The following OSBPL11 variants were observed in gnomAD, a reference collection of about 807,000 sequenced individuals.
The protein encoded by OSBPL11 is oxysterol-binding protein-related protein 11.
In OSBPL11, 33 loss-of-function variants were observed where a neutral mutation model predicts 84.4. The ratio of observed to expected loss-of-function variants is 0.39; its 90% confidence interval spans 0.30 to 0.52. The LOEUF is 0.52. OSBPL11 is among the 20% of genes least tolerant of loss of function. OSBPL11 has a pLI of 0.72. For synonymous variants in OSBPL11, 276 were observed against 310.2 expected, an observed-to-expected ratio of 0.89 and a Z score of 1.16; for missense variants, 736 against 901.1, an observed-to-expected ratio of 0.82 and a Z score of 2.35.
chr3:125,543,367 G>A (rs546359230), intron 10 of OSBPL11, among the ~76,000 whole-genome samples: 32 of 151,246 alleles, frequency 2.1e-4, no homozygotes, highest in African/African-American at 7.0e-4. Context: ...CCTGACCTCA[G>A]TTGATCCACT....
intron 2 of OSBPL11, among the ~76,000 whole-genome samples, chr3:125,582,119 G>A (rs1460293807): frequency 2.6e-5 from 4 of 152,130 alleles, no homozygotes; most frequent in Admixed American, 2.6e-4. Flanking sequence ...TAGATCACCT[G>A]AAGTCAGGAA....
chr3:125,530,860 T>G (rs1935545231), intron 12 of OSBPL11, among the ~76,000 whole-genome samples: 1 of 152,218 alleles, frequency 6.6e-6, no homozygotes, highest in African/African-American at 2.4e-5. Context: ...TTCGCCAAGA[T>G]GCTACAGATT....
chr3:125,538,670 A>G (rs1935678820), intron 10 of OSBPL11, 37 bp from the exon 11 acceptor site: 3 of 1,538,956 alleles, frequency 1.9e-6, no homozygotes, highest in Admixed American at 4.0e-5. Flanking sequence ...TGCTCTAATA[A>G]GTGATATCAT....
chr3:125,591,564 G>A (rs910071532), intron 1 of OSBPL11, among the ~76,000 whole-genome samples: 1 of 152,134 alleles, frequency 6.6e-6, no homozygotes, highest in African/African-American at 2.4e-5. Flanking sequence ...AAAAGGAACT[G>A]AATTGCACCA....
intron 9 of OSBPL11, 36 bp downstream of exon 9, chr3:125,552,145 A>G (rs199706756): frequency 5.3e-5 from 16 of 301,612 alleles, no homozygotes; most frequent in Middle Eastern, 9.8e-4. Flanking sequence ...GTGTGTGTAT[A>G]TATATATATA....
chr3:125,589,702 T>G (rs543691275), intron 1 of OSBPL11, among the ~76,000 whole-genome samples: 1 of 152,220 alleles, frequency 6.6e-6, no homozygotes, highest in East Asian at 1.9e-4. Flanking sequence ...CCATGAACAT[T>G]CATTTATATT....
At chr3:125,581,709 A>AT (rs1440612038) in intron 2 of OSBPL11, among the ~76,000 whole-genome samples, 8 of 151,190 alleles carry the variant, frequency 5.3e-5, no homozygotes. Context: ...AAAAAAAAAA[A>AT]AAAAAAAAAA....
At chr3:125,556,316 T>A (rs1253494199) in intron 8 of OSBPL11, among the ~76,000 whole-genome samples, 1 of 152,158 alleles carries the variant, frequency 6.6e-6, no homozygotes, top group African/African-American at 2.4e-5. Context: ...CCCAAGTGTA[T>A]CTGTATTTGG....
rs540772671 is a variant in OSBPL11 at position 125,543,221 on chromosome 3, T to C, written c.1841+4185A>G. 5.0e-5 allele frequency among the ~76,000 whole-genome samples: 7 copies of C among 138,796 alleles called. No homozygotes were observed. In the South Asian group the frequency reaches 1.5e-3, roughly 29 times the overall value. The allele number at this position is 138,796 out of a possible 152,430, so 91.1% of individuals were successfully genotyped here. On this transcript the variant is annotated intron_variant, in intron 10 of 12. Coordinates refer to ENST00000296220, the MANE Select transcript of OSBPL11 (RefSeq NM_022776.5). Reference sequence around the variant, plus strand: ...ATATCGGCTCACTGCAACCTCCTCCTCCCAGGTTCAAGCAATTCTCGTGTC... The same window carrying C: ...ATATCGGCTCACTGCAACCTCCTCCCCCCAGGTTCAAGCAATTCTCGTGTC...
chr3:125,587,443 A>T (rs1464622055), intron 1 of OSBPL11, among the ~76,000 whole-genome samples: 1 of 152,242 alleles, frequency 6.6e-6, no homozygotes, highest in East Asian at 1.9e-4. Context: ...TAAGCATATA[A>T]CTGGTATTTG....
At chr3:125,533,250 CTCTTT>C (rs1475865466) in intron 11 of OSBPL11, among the ~76,000 whole-genome samples, 3 of 139,042 alleles carry the variant, frequency 2.2e-5, no homozygotes, top group South Asian at 2.6e-4. Context: ...CTCGTCTCTT[CTCTTT>C]TTTCTTTTTT....
At chr3:125,535,097 T>G (rs1207275424) in intron 11 of OSBPL11, among the ~76,000 whole-genome samples, 1 of 151,380 alleles carries the variant, frequency 6.6e-6, no homozygotes, top group East Asian at 1.9e-4. Context: ...TTGTGTAAAA[T>G]TAATAAACTT....
intron 7 of OSBPL11, among the ~76,000 whole-genome samples, chr3:125,562,862 G>T (rs1250328690): frequency 1.3e-5 from 2 of 152,130 alleles, no homozygotes; most frequent in East Asian, 3.8e-4. Flanking sequence ...GGAGGCGGAG[G>T]TTGCGGTGAG....
At chr3:125,593,517 G>C (rs1194571440) in intron 1 of OSBPL11, among the ~76,000 whole-genome samples, 1 of 151,930 alleles carries the variant, frequency 6.6e-6, no homozygotes, top group African/African-American at 2.4e-5. Flanking sequence ...CTACTCGGGA[G>C]GCTGAGACAC....
chr3:125,593,572 A>G (rs1279605989), intron 1 of OSBPL11, among the ~76,000 whole-genome samples: 1 of 151,686 alleles, frequency 6.6e-6, no homozygotes, highest in Admixed American at 6.6e-5. Context: ...GTGAGCCGAG[A>G]TCGCGCCACC....
At chr3:125,553,882 A>C (rs1935952808) in intron 8 of OSBPL11, among the ~76,000 whole-genome samples, 1 of 152,226 alleles carries the variant, frequency 6.6e-6, no homozygotes, top group Non-Finnish European at 1.5e-5. Flanking sequence ...AATTAAATTA[A>C]CTTCATATAA....
At chr3:125,566,003 AC>A (rs1243684670) in intron 6 of OSBPL11, among the ~76,000 whole-genome samples, 1 of 151,980 alleles carries the variant, frequency 6.6e-6, no homozygotes, top group African/African-American at 2.4e-5. Context: ...AGCACCCTAC[AC>A]GTTATTATTA....
rs1936391124 is a variant in OSBPL11 at position 125,579,703 on chromosome 3, G to C, written c.409+162C>G. On this transcript the variant is annotated intron_variant, in intron 3 of 12. Transcript: ENST00000296220. ...TTGAAAACAGTTACTTATTACAAAA[G>C]ATTTCATAAATTCTCAAAGCAGTTC... Among the ~76,000 whole-genome samples, 4 of 152,258 alleles carry C rather than the reference G, an allele frequency of 2.6e-5. No individual in the cohort carries two copies. In the South Asian group the frequency reaches 6.2e-4, roughly 24 times the overall value.
At chr3:125,587,535 G>A (rs979891723) in intron 1 of OSBPL11, among the ~76,000 whole-genome samples, 10 of 152,200 alleles carry the variant, frequency 6.6e-5, no homozygotes, top group African/African-American at 2.4e-4. Context: ...GATCTCTAAG[G>A]AAAAGTTTTA....
Sources: allele counts gnomAD v4.1 joint callset (sites outside exome capture counted in the v4.1 genomes callset), GRCh38; gene constraint gnomAD v4.1.1; transcripts MANE v1.5; gene names NCBI Gene and HGNC (gene_info 2026-07-23, HGNC 2026-07-21).